The following SLC41A2 variants were observed in gnomAD, a reference collection of about 807,000 sequenced individuals.
The protein encoded by SLC41A2 is solute carrier family 41 member 2, also known as SLC41A1-like 1.
SLC41A2 carries 32 observed loss-of-function variants against 58.3 expected under a neutral mutation model. The ratio of observed to expected loss-of-function variants is 0.55; its 90% CI spans 0.41 to 0.74. The LOEUF (loss-of-function observed/expected upper bound fraction) is 0.74. Ranked by LOEUF, SLC41A2 falls within the 30% of genes least tolerant of loss-of-function variation. SLC41A2 has a pLI of 0.00. For synonymous variants in SLC41A2, 190 were observed against 235.0 expected, an observed-to-expected ratio of 0.81 and a Z score of 1.75; for missense variants, 514 against 680.6, an observed-to-expected ratio of 0.76 and a Z score of 2.72.
chr12:104,838,110 A>G (rs914923654), intron 10 of SLC41A2, among the ~76,000 whole-genome samples: 4 of 152,208 alleles, frequency 2.6e-5, no homozygotes, highest in Admixed American at 6.5e-5. Flanking sequence ...ATAACACTGA[A>G]TCATGTGAAC....
chr12:104,890,577 T>C (rs1243508094), intron 4 of SLC41A2, among the ~76,000 whole-genome samples: 1 of 152,142 alleles, frequency 6.6e-6, no homozygotes, highest in Non-Finnish European at 1.5e-5. Flanking sequence ...ACAGCTGAGA[T>C]GAGGAAGTCC....
rs750461365 is a variant in SLC41A2, at chr12:104,909,698, T to C, written c.620A>G (p.Lys207Arg). 1 of 1,612,348 alleles carries C rather than the reference T, an allele frequency of 6.2e-7. No individual in the cohort carries two copies. Among genetic ancestry groups the C allele is most frequent in the East Asian group, 2.2e-5 (1 of 44,814 alleles). ...TGCCAATGTCATTTCCAAGTTCCCT[T>C]TGAGACCAAGAAGTGCAGGGACTAA... ...FILVPALLGL[K>R]GNLEMTLASR... The change falls in exon 3 of 11, where the codon AAA (lysine) becomes AGA (arginine). Residue 207 changes from lysine (K) to arginine (R), a missense_variant. This residue lies in a region of SLC41A2 where 336 missense variants were observed against 430.0 expected (regional missense o/e 0.78). Coordinates refer to ENST00000258538, the MANE Select transcript of SLC41A2 (RefSeq NM_001352171.3).
intron 1 of SLC41A2, among the ~76,000 whole-genome samples, chr12:104,951,834 A>G (rs1565926845): frequency 2.7e-5 from 4 of 150,432 alleles, no homozygotes; most frequent in African/African-American, 7.3e-5. Context: ...TTTTGCACCA[A>G]CCTAATAATT....
chr12:104,947,780 C>T lies in SLC41A2; in HGVS notation c.-168+10308G>A, dbSNP rs139939214. On this transcript the variant is annotated intron_variant, in intron 1 of 10. Coordinates refer to ENST00000258538, the MANE Select transcript of SLC41A2 (RefSeq NM_001352171.3). ...AAGACAATGAAAGTTGGATAAGGAACTAGCCCTAATACTGTTTTTTAATTT... is the reference window on the plus strand; with the variant it reads ...AAGACAATGAAAGTTGGATAAGGAATTAGCCCTAATACTGTTTTTTAATTT... Among the ~76,000 whole-genome samples the T allele has an allele frequency of 4.8e-3, 735 of 152,154 alleles. 5 individuals are homozygous for T. Among genetic ancestry groups the T allele is most frequent in the African/African-American group, 0.017 (709 of 41,508 alleles).
chr12:104,866,842 T>C (rs560176215), intron 6 of SLC41A2, among the ~76,000 whole-genome samples: 1 of 152,098 alleles, frequency 6.6e-6, no homozygotes, highest in Non-Finnish European at 1.5e-5. Context: ...ATAATAACAA[T>C]AACAACAAGA....
chr12:104,901,404 T>C (rs1004840209), intron 3 of SLC41A2, among the ~76,000 whole-genome samples: 4 of 151,928 alleles, frequency 2.6e-5, no homozygotes, highest in African/African-American at 9.7e-5. Flanking sequence ...ATTGAAAAGA[T>C]TAAAATCCAG....
At chr12:104,852,728 C>T (rs1182132603) in intron 8 of SLC41A2, among the ~76,000 whole-genome samples, 1 of 152,046 alleles carries the variant, frequency 6.6e-6, no homozygotes, top group Non-Finnish European at 1.5e-5. Context: ...TTTAAGTAAA[C>T]AACATAATTA....
chr12:104,863,301 G>T (rs1419361553), intron 7 of SLC41A2, among the ~76,000 whole-genome samples: 3 of 152,024 alleles, frequency 2.0e-5, no homozygotes, highest in Non-Finnish European at 4.4e-5. Context: ...TATCTGGGTG[G>T]GTGCATGCCT....
At chr12:104,844,131 C>T (rs1408299254) in intron 10 of SLC41A2, among the ~76,000 whole-genome samples, 1 of 152,052 alleles carries the variant, frequency 6.6e-6, no homozygotes, top group Non-Finnish European at 1.5e-5. Context: ...CAAAATAAAA[C>T]TAGAACCATT....
At chr12:104,932,380 T>C (rs958216666) in intron 1 of SLC41A2, among the ~76,000 whole-genome samples, 2 of 152,006 alleles carry the variant, frequency 1.3e-5, no homozygotes, top group Non-Finnish European at 2.9e-5. Flanking sequence ...AATCACAGCA[T>C]TTTGGGAGGC....
intron 6 of SLC41A2, among the ~76,000 whole-genome samples, chr12:104,880,576 T>G (rs889064809): frequency 1.3e-5 from 2 of 152,222 alleles, no homozygotes; most frequent in Admixed American, 1.3e-4. Flanking sequence ...GAGATAACCA[T>G]GTGGTTTTTG....
At chr12:104,838,780 C>G (rs180954645) in intron 10 of SLC41A2, among the ~76,000 whole-genome samples, 265 of 152,256 alleles carry the variant, frequency 1.7e-3, no homozygotes, top group African/African-American at 6.1e-3. Context: ...GGGTTCTTCT[C>G]TGGCTGTTTC....
chr12:104,895,221 A>T, intron 4 of SLC41A2, 53 bp downstream of exon 4: 2 of 1,285,546 alleles, frequency 1.6e-6, no homozygotes, highest in Non-Finnish European at 2.3e-6. Context: ...CTTATAGATT[A>T]CAGTCAAAAT....
At chr12:104,947,706 A>T (rs1211151339) in intron 1 of SLC41A2, among the ~76,000 whole-genome samples, 1 of 152,130 alleles carries the variant, frequency 6.6e-6, no homozygotes, top group Admixed American at 6.5e-5. Flanking sequence ...ACATATATAT[A>T]CCAAAAAGTA....
At chr12:104,931,476 A>G (rs1236086716) in intron 1 of SLC41A2, among the ~76,000 whole-genome samples, 1 of 152,232 alleles carries the variant, frequency 6.6e-6, no homozygotes, top group Non-Finnish European at 1.5e-5. Flanking sequence ...CTGGGGCTAC[A>G]GTAATGAAAC....
At chr12:104,875,965 C>G (rs561368765) in intron 6 of SLC41A2, among the ~76,000 whole-genome samples, 16 of 152,208 alleles carry the variant, frequency 1.1e-4, no homozygotes, top group Middle Eastern at 3.4e-3. Flanking sequence ...ACTTTAATAA[C>G]TATTTGTTAT....
At chr12:104,945,308 G>A (rs1205691849) in intron 1 of SLC41A2, among the ~76,000 whole-genome samples, 1 of 151,976 alleles carries the variant, frequency 6.6e-6, no homozygotes, top group Non-Finnish European at 1.5e-5. Context: ...AGACCATCCT[G>A]GCTAATGCGG....
intron 10 of SLC41A2, among the ~76,000 whole-genome samples, chr12:104,818,799 C>A (rs892339632): frequency 1.3e-5 from 2 of 152,104 alleles, no homozygotes; most frequent in African/African-American, 4.8e-5. Flanking sequence ...ATTGTTTGAA[C>A]CCAGGGGGCA....
chr12:104,887,077 T>G (rs1290351392), intron 5 of SLC41A2, among the ~76,000 whole-genome samples: 2 of 151,984 alleles, frequency 1.3e-5, no homozygotes, highest in African/African-American at 4.8e-5. Context: ...ACTTGTACTT[T>G]TACATCCTAA....
Sources: allele counts gnomAD v4.1 joint callset (sites outside exome capture counted in the v4.1 genomes callset), GRCh38; gene constraint gnomAD v4.1.1; regional missense constraint gnomAD v4.1.1; transcripts MANE v1.5; gene names NCBI Gene and HGNC (gene_info 2026-07-23, HGNC 2026-07-21).